DYM: variants seen among roughly 807,000 people sequenced by gnomAD.
The protein encoded by DYM is dyggve-Melchior-Clausen syndrome protein.
A neutral mutation model predicts 93.1 loss-of-function variants in DYM; 78 were observed. The observed-to-expected ratio is 0.84, with a 90% CI of 0.70 to 1.01. The LOEUF (loss-of-function observed/expected upper bound fraction) is 1.01, where lower values mean the gene tolerates loss of function less well. Among genes scored for constraint, DYM ranks in the 50% least tolerant of loss-of-function variants. The pLI, the probability that DYM is intolerant of heterozygous loss-of-function variation, is 0.00. For missense variants in DYM, 789 were observed against 845.0 expected, an observed-to-expected ratio of 0.93 and a Z score of 0.82; for synonymous variants, 321 against 319.7, an observed-to-expected ratio of 1.00 and a Z score of -0.04.
chr18:49,420,165 GTTTTT>G (rs58141815), intron 2 of DYM, among the ~76,000 whole-genome samples: 2 of 109,038 alleles, frequency 1.8e-5, no homozygotes, highest in Non-Finnish European at 1.9e-5. Context: ...GTTAAAATTC[GTTTTT>G]TTTTTTTTTT....
intron 8 of DYM, among the ~76,000 whole-genome samples, chr18:49,298,005 C>G (rs1283974467): frequency 1.3e-5 from 2 of 152,004 alleles, no homozygotes; most frequent in African/African-American, 4.8e-5. Context: ...TGTTATAATG[C>G]TAGGAAAGGG....
chr18:49,340,835 C>A (rs2064058417), intron 6 of DYM, among the ~76,000 whole-genome samples: 1 of 152,186 alleles, frequency 6.6e-6, no homozygotes, highest in Non-Finnish European at 1.5e-5. Context: ...AAAACTACTA[C>A]CACTCAGTGA....
chr18:49,195,072 G>A (rs923730056), intron 14 of DYM, among the ~76,000 whole-genome samples: 5 of 151,932 alleles, frequency 3.3e-5, no homozygotes, highest in Non-Finnish European at 5.9e-5. Flanking sequence ...TTTCCCTTCT[G>A]TGCTCTTCTG....
At chr18:49,359,689 T>C (rs530901365) in intron 6 of DYM, 17 of 152,210 alleles carry the variant, frequency 1.1e-4, no homozygotes, top group Non-Finnish European at 1.9e-4. Context: ...ATAAGAAACA[T>C]TTACGCTAGT....
intron 14 of DYM, among the ~76,000 whole-genome samples, chr18:49,200,601 G>C (rs1668756148): frequency 6.6e-6 from 1 of 151,096 alleles, no homozygotes; most frequent in African/African-American, 2.4e-5. Flanking sequence ...CTTCTATTTT[G>C]TTCCTAAATA....
In DYM at chr18:49,298,363, T is replaced by C. The variant is rs1329822614; in HGVS notation, c.764-11747A>G. 2.0e-5 allele frequency among the ~76,000 whole-genome samples: 3 copies of C among 152,180 alleles called. No individual in the cohort carries two copies. In the East Asian group the frequency reaches 5.8e-4, roughly 29 times the overall value. ...GGGAGGCCAAGGCAGGTGGATTACC[T>C]GAGGTCAGGAGTTCAGGACCAGCCT... On this transcript the variant is annotated intron_variant, in intron 8 of 17. Transcript: ENST00000675505.
intron 2 of DYM, among the ~76,000 whole-genome samples, chr18:49,426,328 T>C (rs997390459): frequency 3.6e-5 from 5 of 138,374 alleles, no homozygotes; most frequent in African/African-American, 1.1e-4. Flanking sequence ...CTCTCACTCA[T>C]AGGTGGGAAT....
At chr18:49,421,849 G>C (rs555733533) in intron 2 of DYM, among the ~76,000 whole-genome samples, 2 of 152,114 alleles carry the variant, frequency 1.3e-5, no homozygotes, top group Admixed American at 6.6e-5. Context: ...CAAGAACTAC[G>C]GGACACATGC....
At chr18:49,215,933 C>G (rs191625077) in intron 13 of DYM, among the ~76,000 whole-genome samples, 3 of 152,112 alleles carry the variant, frequency 2.0e-5, no homozygotes, top group Non-Finnish European at 4.4e-5. Flanking sequence ...GTGCGGGAGC[C>G]GAAGCAGGGC....
chr18:49,409,710 A>C (rs1300216876), intron 2 of DYM, among the ~76,000 whole-genome samples: 1 of 152,238 alleles, frequency 6.6e-6, no homozygotes, highest in Non-Finnish European at 1.5e-5. Context: ...TTCCACAATA[A>C]AAATAAATAT....
At chr18:49,192,138 C>A (rs909180610) in intron 14 of DYM, among the ~76,000 whole-genome samples, 4 of 125,650 alleles carry the variant, frequency 3.2e-5, no homozygotes, top group Non-Finnish European at 6.3e-5. Context: ...AGAGTCTTGC[C>A]TAAGCTGGTC....
chr18:49,438,309 G>C (rs2081036053), intron 1 of DYM, among the ~76,000 whole-genome samples: 1 of 152,126 alleles, frequency 6.6e-6, no homozygotes, highest in Non-Finnish European at 1.5e-5. Context: ...ACAGCCAATT[G>C]AGTAAAGAGT....
chr18:49,057,036 G>GT (rs1485730370), intron 17 of DYM, among the ~76,000 whole-genome samples: 4 of 152,156 alleles, frequency 2.6e-5, no homozygotes, highest in African/African-American at 9.7e-5. Context: ...GGCATAGGTC[G>GT]TAAGTTTCAT....
intron 8 of DYM, among the ~76,000 whole-genome samples, chr18:49,294,565 G>A (rs1302170283): frequency 1.3e-5 from 2 of 152,008 alleles, no homozygotes; most frequent in African/African-American, 4.8e-5. Flanking sequence ...CATTCAAAAT[G>A]TGAAGAGGAC....
At chr18:49,365,237 G>A (rs1291021922) in intron 5 of DYM, among the ~76,000 whole-genome samples, 2 of 152,058 alleles carry the variant, frequency 1.3e-5, no homozygotes, top group Non-Finnish European at 2.9e-5. Context: ...ATTTCATCCT[G>A]CTTTGCCACA....
chr18:49,156,528 TC>T, intron 15 of DYM, among the ~76,000 whole-genome samples: 1 of 152,008 alleles, frequency 6.6e-6, no homozygotes, highest in East Asian at 1.9e-4. Context: ...GGTCAGGAGT[TC>T]GAGACCAGCC....
chr18:49,254,411 C>T (rs1049630413), intron 13 of DYM, among the ~76,000 whole-genome samples: 1 of 150,860 alleles, frequency 6.6e-6, no homozygotes, highest in Non-Finnish European at 1.5e-5. Flanking sequence ...TATTTTGATA[C>T]TTCTTGCATT....
At chr18:49,307,593 C>T (rs759942942) in intron 8 of DYM, among the ~76,000 whole-genome samples, 2 of 152,140 alleles carry the variant, frequency 1.3e-5, no homozygotes, top group African/African-American at 4.8e-5. Flanking sequence ...CACTGCCACA[C>T]CTCATCTGAG....
chr18:49,393,092 GGAAGGAAGGAAGGAAGGAA>G, intron 2 of DYM, among the ~76,000 whole-genome samples: 1 of 442 alleles, frequency 2.3e-3, no homozygotes, highest in Middle Eastern at 0.25. Flanking sequence ...AGGGAGGGAG[GGAAGGAAGGAAGGAAGGAA>G]GGAAGGAAGG....
Sources: allele counts gnomAD v4.1 joint callset (sites outside exome capture counted in the v4.1 genomes callset), GRCh38; gene constraint gnomAD v4.1.1; transcripts MANE v1.5; gene names NCBI Gene and HGNC (gene_info 2026-07-23, HGNC 2026-07-21).